The following ATXN7L2 variants were observed in gnomAD, a reference collection of about 807,000 sequenced individuals.
ATXN7L2 encodes ataxin 7 like 2, also known as ataxin-7-like protein 2.
Under a neutral mutation model 59.6 loss-of-function variants are expected in ATXN7L2, and 17 were observed. That is an observed-to-expected ratio of 0.29 (90% confidence interval 0.20 to 0.43). The LOEUF is 0.43. Ranked by LOEUF, ATXN7L2 falls within the 20% of genes least tolerant of loss-of-function variation. The probability of loss-of-function intolerance (pLI) is 1.00; values close to 1 mark genes in which losing one functional copy is unlikely to be tolerated. For synonymous variants in ATXN7L2, 378 were observed against 392.5 expected (o/e 0.96, Z 0.44); for missense variants, 858 against 1,008.9 (o/e 0.85, Z 2.03).
chr1:109,489,421 T>G, intron 7 of ATXN7L2: 1 of 412,790 alleles, frequency 2.4e-6, no homozygotes, highest in Non-Finnish European at 4.4e-6. Context: ...AAGGCAGCCC[T>G]ATGTGTATTC....
chr1:109,491,939 G>A lies in ATXN7L2; in HGVS notation c.2250+222G>A. The A allele has an allele frequency of 8.2e-7, 1 of 1,222,504 alleles. No homozygotes were observed. Among genetic ancestry groups the A allele is most frequent in the Non-Finnish European group, 1.1e-6 (1 of 938,008 alleles). The allele number at this position is 1,222,504 out of a possible 1,614,324, so 75.7% of individuals were successfully genotyped here. A position where few individuals can be genotyped will look rare whatever the true frequency, so the allele number is the denominator to read the frequency against. ...CCCTATCCCTAACCCTTTCCCTTGG[G>A]CTGAGGAGATGCGGCACCCCTCCAC... On this transcript the variant is annotated intron_variant, in intron 10 of 10. Transcript: ENST00000683729. This position sits in a 1 kb window ranked among gnomAD's most constrained non-coding sequence, Gnocchi z 4.1.
At position 109,486,973 on chromosome 1, in the gene ATXN7L2, C is replaced by T. The variant is rs1233958399; in HGVS notation, c.299-34C>T. 2 of 1,529,604 alleles carry T rather than the reference C, an allele frequency of 1.3e-6. No individual in the cohort carries two copies. The highest frequency in any genetic ancestry group is 1.4e-5 in the African/African-American group (1 of 72,166). 94.8% of individuals were successfully genotyped at this position (1,529,604 alleles called of 1,614,324 possible). Reference sequence around the variant, plus strand: ...TGGGGAAGGAAGTGGTGATACCACTCACCTTGATTATTCTTTCCACCTCCT... The same window carrying T: ...TGGGGAAGGAAGTGGTGATACCACTTACCTTGATTATTCTTTCCACCTCCT... On this transcript the variant is annotated intron_variant, in intron 3 of 10. Transcript: ENST00000683729. This position sits in a 1 kb window ranked among gnomAD's most constrained non-coding sequence, Gnocchi z 4.3.
In ATXN7L2 at chr1:109,486,469, T is replaced by C. The variant is rs202075840; in HGVS notation, c.194-37T>C. 6.4e-7 allele frequency: 1 copy of C among 1,553,086 alleles called. No individual in the cohort carries two copies. Among genetic ancestry groups the C allele is most frequent in the East Asian group, 2.3e-5 (1 of 44,116 alleles). ...CCGATCTTCCAGAGAAACCCTGGGA[T>C]CTTCAGCCCCAGTGACATGGGCTTC... On this transcript the variant is annotated intron_variant, in intron 2 of 10. Coordinates refer to ENST00000683729, the MANE Select transcript of ATXN7L2 (RefSeq NM_001350175.2). The surrounding 1 kb of genome is among the most constrained non-coding windows in gnomAD (Gnocchi z 4.3).
Position 109,486,106 on chromosome 1 carries a change from G to A in ATXN7L2, c.177G>A (p.Met59Ile). The change falls in exon 2 of 11, where the codon ATG (methionine) becomes ATA (isoleucine). Residue 59 changes from methionine (M) to isoleucine (I), a missense_variant. Met to Ile is a conservative substitution (Grantham distance 10). Transcript: ENST00000683729. The surrounding 1 kb of genome is among the most constrained non-coding windows in gnomAD (Gnocchi z 4.3). ...AAAACACGAAGAAGTTGGATGCCAT[G>A]ACCCTCATTAAAGAAGGTGGGAGTC... ...SSKNTKKLDA[M>I]TLIKEDMSIF... The A allele has an allele frequency of 6.3e-7, 1 of 1,599,694 alleles. No individual in the cohort carries two copies. Among genetic ancestry groups the A allele is most frequent in the South Asian group, 1.1e-5 (1 of 88,708 alleles).
At chr1:109,490,793 G>A (rs1656988050) in intron 9 of ATXN7L2, 129 bp from the exon 10 acceptor site, 2 of 1,089,962 alleles carry the variant, frequency 1.8e-6, no homozygotes, top group Admixed American at 2.4e-5. Flanking sequence ...GCATCTCCCA[G>A]CAGATGGCAG....
chr1:109,490,256 T>C lies in ATXN7L2; in HGVS notation c.1333-15T>C. 3 of 1,613,254 alleles carry C rather than the reference T, an allele frequency of 1.9e-6. No individual in the cohort carries two copies. Among genetic ancestry groups the C allele is most frequent in the Non-Finnish European group, 2.5e-6 (3 of 1,179,754 alleles). On this transcript the variant is annotated splice_polypyrimidine_tract_variant and intron_variant, in intron 8 of 10. Coordinates refer to ENST00000683729, the MANE Select transcript of ATXN7L2 (RefSeq NM_001350175.2). Reference sequence around the variant, plus strand: ...CCCAGACCCTGCCAACCATGCACCTTCCTTCTGCCTTTAGTTCTGCACCTT... The same window carrying C: ...CCCAGACCCTGCCAACCATGCACCTCCCTTCTGCCTTTAGTTCTGCACCTT...
Position 109,486,662 on chromosome 1 carries a change from G to A in ATXN7L2, c.298+52G>A, listed in dbSNP as rs1302370282. 10 of 1,477,414 alleles carry A rather than the reference G, an allele frequency of 6.8e-6. No homozygotes were observed. The highest frequency in any genetic ancestry group is 1.1e-5 in the South Asian group (1 of 87,028). 91.5% of individuals were successfully genotyped at this position (1,477,414 alleles called of 1,614,324 possible). ...AAGGGACAGGGGAAGGTGGAGCATG[G>A]AACTCTGAGGACAGGGTCAGTTGGG... On this transcript the variant is annotated intron_variant, in intron 3 of 10. Coordinates refer to ENST00000683729, the MANE Select transcript of ATXN7L2 (RefSeq NM_001350175.2). This position sits in a 1 kb window ranked among gnomAD's most constrained non-coding sequence, Gnocchi z 4.3.
intron 9 of ATXN7L2, 48 bp downstream of exon 9, chr1:109,490,440 G>A: frequency 6.3e-7 from 1 of 1,595,992 alleles, no homozygotes. Context: ...GAAATTCCTA[G>A]GTTCCAGACA....
chr1:109,485,289 A>G (rs935071342), intron 1 of ATXN7L2: 26 of 984,944 alleles, frequency 2.6e-5, no homozygotes, highest in African/African-American at 5.3e-5. Flanking sequence ...GGATGGGGAA[A>G]AAGCTGCTTT....
chr1:109,486,492 T>G lies in ATXN7L2; in HGVS notation c.194-14T>G. The G allele has an allele frequency of 6.2e-7, 1 of 1,602,180 alleles. No individual in the cohort carries two copies. The highest frequency in any genetic ancestry group is 8.5e-7 in the Non-Finnish European group (1 of 1,169,988). On this transcript the variant is annotated splice_polypyrimidine_tract_variant and intron_variant, in intron 2 of 10. Transcript: ENST00000683729. This position sits in a 1 kb window ranked among gnomAD's most constrained non-coding sequence, Gnocchi z 4.3. ...GATCTTCAGCCCCAGTGACATGGGCTTCTGTCATTGCAGACATGTCCATCT... is the reference window on the plus strand; with the variant it reads ...GATCTTCAGCCCCAGTGACATGGGCGTCTGTCATTGCAGACATGTCCATCT...
Position 109,486,863 on chromosome 1 carries a change from A to G in ATXN7L2, c.299-144A>G, listed in dbSNP as rs539095499. 178 of 856,614 alleles carry G rather than the reference A, an allele frequency of 2.1e-4. 4 individuals are homozygous for G. In the Middle Eastern group the frequency reaches 2.3e-3, roughly 11 times the overall value. The allele number at this position is 856,614 out of a possible 1,614,324, so 53.1% of individuals were successfully genotyped here. Reference sequence around the variant, plus strand: ...CTTGAATTTTGAGTCCTAAAGGCTCAGATTCAAATGGGAAGGAGGCATGTT... The same window carrying G: ...CTTGAATTTTGAGTCCTAAAGGCTCGGATTCAAATGGGAAGGAGGCATGTT... On this transcript the variant is annotated intron_variant, in intron 3 of 10. Coordinates refer to ENST00000683729, the MANE Select transcript of ATXN7L2 (RefSeq NM_001350175.2). This position sits in a 1 kb window ranked among gnomAD's most constrained non-coding sequence, Gnocchi z 4.3.
At chr1:109,485,258 G>C in intron 1 of ATXN7L2, 1 of 979,584 alleles carries the variant, frequency 1.0e-6, no homozygotes, top group African/African-American at 1.8e-5. Flanking sequence ...AGAGGAGGGA[G>C]GGGGGAGGAG....
At position 109,486,738 on chromosome 1, in the gene ATXN7L2, G is replaced by A; in HGVS notation, c.298+128G>A. 5.9e-6 allele frequency: 5 copies of A among 844,782 alleles called. No homozygotes were observed. Among genetic ancestry groups the A allele is most frequent in the Non-Finnish European group, 9.2e-6 (5 of 544,216 alleles). The allele number at this position is 844,782 out of a possible 1,614,324, so 52.3% of individuals were successfully genotyped here. ...GTGTTGAGGATAGGAAGGTTGTGGG[G>A]GTGGCTTCAGAGCATTGTGGGGAGT... On this transcript the variant is annotated intron_variant, in intron 3 of 10. Transcript: ENST00000683729. The surrounding 1 kb of genome is among the most constrained non-coding windows in gnomAD (Gnocchi z 4.3).
At position 109,487,667 on chromosome 1, in the gene ATXN7L2, C is replaced by A; in HGVS notation, c.659C>A (p.Pro220His). The change falls in exon 5 of 11, where the codon CCT becomes CAT. Residue 220 changes from proline to histidine, a missense_variant. Physicochemically the swap from Pro to His is moderately conservative, Grantham distance 77. Around this residue, in one of 3 missense-constraint regions of ATXN7L2, gnomAD observed 734 missense variants for 862.3 expected, o/e 0.85. Transcript: ENST00000683729. ...DSPGKPPMAP[P>H]SKEPPGRENI... ...CCTGGAAAACCTCCCATGGCTCCCC[C>A]TTCTAAAGAACCTCCTGGCAGAGAG... is the stretch of plus-strand genomic sequence containing the variant. 3 of 1,612,334 alleles carry A rather than the reference C, an allele frequency of 1.9e-6. No homozygotes were observed. The highest frequency in any genetic ancestry group is 8.5e-7 in the Non-Finnish European group (1 of 1,179,252).
chr1:109,490,149 C>A lies in ATXN7L2; in HGVS notation c.1332+21C>A, dbSNP rs377631182. The A allele has an allele frequency of 1.9e-6, 3 of 1,564,128 alleles. No homozygotes were observed. In the African/African-American group the frequency reaches 4.1e-5, roughly 21 times the overall value. On this transcript the variant is annotated intron_variant, in intron 8 of 10. Transcript: ENST00000683729. ...AGGCGGTAAGGACCTGGAATAGGGG[C>A]CTATGGAGGGGGTGGCCCAGCACTC...
chr1:109,483,928 A>G lies in ATXN7L2; in HGVS notation c.-26A>G. On this transcript the variant is annotated 5_prime_UTR_variant, in exon 1 of 11. Coordinates refer to ENST00000683729, the MANE Select transcript of ATXN7L2 (RefSeq NM_001350175.2). ...GAGGGGGCCGCGCGGCGGCGGCGCC[A>G]GGGCGGGCGCGCGTCCGCGGCGGTG... The G allele has an allele frequency of 8.5e-7, 1 of 1,182,188 alleles. No homozygotes were observed. The highest frequency in any genetic ancestry group is 1.0e-6 in the Non-Finnish European group (1 of 954,418). 73.2% of individuals were successfully genotyped at this position (1,182,188 alleles called of 1,614,324 possible). A position where few individuals can be genotyped will look rare whatever the true frequency, so the allele number is the denominator to read the frequency against.
intron 10 of ATXN7L2, chr1:109,492,213 G>A: frequency 4.1e-6 from 3 of 733,404 alleles, no homozygotes; most frequent in Middle Eastern, 5.6e-4. Flanking sequence ...AGGTGTGCAG[G>A]TGACAGGCAA....
rs992914065 is a variant in ATXN7L2, at chr1:109,486,964, G to A, written c.299-43G>A. On this transcript the variant is annotated intron_variant, in intron 3 of 10. Coordinates refer to ENST00000683729, the MANE Select transcript of ATXN7L2 (RefSeq NM_001350175.2). The surrounding 1 kb of genome is among the most constrained non-coding windows in gnomAD (Gnocchi z 4.3). ...TGGTTAGGTTGGGGAAGGAAGTGGT[G>A]ATACCACTCACCTTGATTATTCTTT... 2.0e-6 allele frequency: 3 copies of A among 1,494,068 alleles called. No homozygotes were observed. Among genetic ancestry groups the A allele is most frequent in the Non-Finnish European group, 2.7e-6 (3 of 1,108,810 alleles). 92.6% of individuals were successfully genotyped at this position (1,494,068 alleles called of 1,614,324 possible).
chr1:109,491,385 GC>G lies in ATXN7L2; in HGVS notation c.1921del (p.Leu641Ter). 6.2e-7 allele frequency: 1 copy of G among 1,614,268 alleles called. No homozygotes were observed. The highest frequency in any genetic ancestry group is 8.5e-7 in the Non-Finnish European group (1 of 1,180,044). On this transcript the variant is annotated frameshift_variant, in exon 10 of 11. Coordinates refer to ENST00000683729, the MANE Select transcript of ATXN7L2 (RefSeq NM_001350175.2). LOFTEE classifies it high-confidence loss of function. This position sits in a 1 kb window ranked among gnomAD's most constrained non-coding sequence, Gnocchi z 4.1. ...GGGCCTCTCGGCCAAAACTAAAACA[GC>G]CCTGAGCATGGGGCTTAATGGGACA... is the stretch of plus-strand genomic sequence containing the variant. ...CRGLSAKTKT[A>X]LSMGLNGTMG...
Sources: allele counts gnomAD v4.1 joint callset, GRCh38; gene constraint gnomAD v4.1.1; regional missense constraint gnomAD v4.1.1; non-coding constraint Gnocchi (gnomAD v3.1); transcripts MANE v1.5; gene names NCBI Gene and HGNC (gene_info 2026-07-23, HGNC 2026-07-21).